SLCO2A1: variants seen among roughly 807,000 people sequenced by gnomAD.
SLCO2A1 encodes the protein solute carrier organic anion transporter family member 2A1, also known as matrin F/G 1.
A neutral mutation model predicts 71.7 loss-of-function variants in SLCO2A1; 60 were observed. The observed-to-expected ratio is 0.84, with a 90% CI of 0.68 to 1.04. The LOEUF is 1.04. SLCO2A1 is among the 50% of genes least tolerant of loss of function. SLCO2A1 has a pLI of 0.00. For missense variants in SLCO2A1, 745 were observed against 813.4 expected, an observed-to-expected ratio of 0.92 and a Z score of 1.02; for synonymous variants, 308 against 326.7, an observed-to-expected ratio of 0.94 and a Z score of 0.62.
At chr3:133,975,803 T>C (rs1190456873) in intron 2 of SLCO2A1, among the ~76,000 whole-genome samples, 1 of 152,186 alleles carries the variant, frequency 6.6e-6, no homozygotes, top group Non-Finnish European at 1.5e-5. Context: ...TCTGCTCAGA[T>C]TGAATCATCT....
intron 1 of SLCO2A1, among the ~76,000 whole-genome samples, chr3:134,001,965 C>A (rs4854786): frequency 0.87 from 132,620 of 152,142 alleles, 58,229 homozygotes; most frequent in East Asian, 0.99. Flanking sequence ...TCAGGACATC[C>A]AGGTCTTCTC....
chr3:134,027,680 C>T (rs1297061643), intron 1 of SLCO2A1, among the ~76,000 whole-genome samples: 2 of 152,214 alleles, frequency 1.3e-5, no homozygotes, highest in East Asian at 1.9e-4. Flanking sequence ...ATGTGCAACC[C>T]ATCCCCCACT....
At chr3:133,953,517 G>C (rs922427436) in intron 5 of SLCO2A1, 146 bp downstream of exon 5, 19 of 638,010 alleles carry the variant, frequency 3.0e-5, no homozygotes, top group African/African-American at 1.8e-5. Context: ...GGCTCTCCGA[G>C]GGACTGCAGG....
At chr3:133,987,518 C>T (rs1316544124) in intron 1 of SLCO2A1, among the ~76,000 whole-genome samples, 1 of 152,046 alleles carries the variant, frequency 6.6e-6, no homozygotes, top group Non-Finnish European at 1.5e-5. Context: ...CCCCCCACCC[C>T]ACTTCAAGTT....
chr3:133,973,959 A>G, intron 2 of SLCO2A1, 134 bp from the exon 3 acceptor site: 1 of 907,750 alleles, frequency 1.1e-6, no homozygotes, highest in Non-Finnish European at 1.6e-6. Context: ...GGGCCCAGAC[A>G]GAGTTACAGT....
intron 1 of SLCO2A1, among the ~76,000 whole-genome samples, chr3:134,004,397 T>G (rs184211737): frequency 6.6e-6 from 1 of 152,300 alleles, no homozygotes; most frequent in Non-Finnish European, 1.5e-5. Flanking sequence ...TGCAATGGCA[T>G]GATCTCAGCT....
Position 133,955,088 on chromosome 3 carries a change from C to G in SLCO2A1, c.503G>C (p.Ser168Thr). 6.2e-7 allele frequency: 1 copy of G among 1,614,192 alleles called. No homozygotes were observed. Among genetic ancestry groups the G allele is most frequent in the Non-Finnish European group, 8.5e-7 (1 of 1,180,020 alleles). Residue 168 changes from serine (S) to threonine (T), a missense_variant, in exon 4 of 14, where the codon AGC (serine) becomes ACC (threonine). By Grantham distance (58) the Ser-to-Thr change is moderately conservative. Transcript: ENST00000310926. ...TTQNPQKETS[S>T]MWGLMVVAQL... is the part of the protein sequence containing the mutation. ...GGCAACCACCATCAGGCCCCACATG[C>G]TGCTGGTCTCCTTCTGGGGGTTCTG...
rs975819374 is a variant in SLCO2A1, at chr3:133,999,506, C to T, written c.97-19888G>A. Among the ~76,000 whole-genome samples the T allele has an allele frequency of 2.0e-5, 3 of 152,352 alleles. No individual in the cohort carries two copies. In the East Asian group the frequency reaches 5.8e-4, roughly 29 times the overall value. On this transcript the variant is annotated intron_variant, in intron 1 of 13. Coordinates refer to ENST00000310926, the MANE Select transcript of SLCO2A1 (RefSeq NM_005630.3). Reference sequence around the variant, plus strand: ...AGCAGGGCTGCCTCCCCCAGCCCCCCAGGGGCATACTATTACTAAGATGAG... The same window carrying T: ...AGCAGGGCTGCCTCCCCCAGCCCCCTAGGGGCATACTATTACTAAGATGAG...
chr3:133,974,210 C>T (rs1369186770), intron 2 of SLCO2A1, among the ~76,000 whole-genome samples: 1 of 152,192 alleles, frequency 6.6e-6, no homozygotes, highest in African/African-American at 2.4e-5. Context: ...CCTAATTAAG[C>T]TTGAGAGTTT....
chr3:134,014,497 G>A (rs1305345397), intron 1 of SLCO2A1, among the ~76,000 whole-genome samples: 1 of 152,154 alleles, frequency 6.6e-6, no homozygotes, highest in African/African-American at 2.4e-5. Context: ...CACACCCAGG[G>A]AATTAAGGTC....
At chr3:133,985,051 CTCCACTCCCT>C in intron 1 of SLCO2A1, among the ~76,000 whole-genome samples, 1 of 152,302 alleles carries the variant, frequency 6.6e-6, no homozygotes, top group South Asian at 2.1e-4. Context: ...TTGAAGCTAC[CTCCACTCCCT>C]CCTCTTGCCC....
intron 1 of SLCO2A1, among the ~76,000 whole-genome samples, chr3:134,023,498 G>A (rs546714180): frequency 2.0e-5 from 3 of 152,296 alleles, no homozygotes; most frequent in African/African-American, 7.2e-5. Context: ...AATCTGGGGA[G>A]ATTTCAATAA....
intron 11 of SLCO2A1, among the ~76,000 whole-genome samples, chr3:133,941,681 C>A (rs1933424603): frequency 6.6e-6 from 1 of 152,086 alleles, no homozygotes; most frequent in Non-Finnish European, 1.5e-5. Flanking sequence ...TAACGGGACA[C>A]CCCGCTCCTC....
chr3:133,981,905 G>T (rs568731805), intron 1 of SLCO2A1, among the ~76,000 whole-genome samples: 1 of 151,258 alleles, frequency 6.6e-6, no homozygotes, highest in South Asian at 2.1e-4. Context: ...AACCTGGGAG[G>T]TGGAGGTTGC....
chr3:133,963,642 A>G (rs1328293156), intron 3 of SLCO2A1, among the ~76,000 whole-genome samples: 1 of 152,180 alleles, frequency 6.6e-6, no homozygotes, highest in Non-Finnish European at 1.5e-5. Flanking sequence ...GTGGGTGAGT[A>G]GGGTCAAATG....
chr3:134,028,534 GCTGAGTAAGTATGCAGGTGAGATCCA>G (rs1935742659), intron 1 of SLCO2A1, among the ~76,000 whole-genome samples: 1 of 152,188 alleles, frequency 6.6e-6, no homozygotes, highest in Admixed American at 6.5e-5. Context: ...GGAGATCCCA[GCTGAGTAAGTATGCAGGTGAGATCCA>G]CTCTGACCTC....
At chr3:134,000,403 C>A (rs947810141) in intron 1 of SLCO2A1, among the ~76,000 whole-genome samples, 3 of 151,914 alleles carry the variant, frequency 2.0e-5, no homozygotes, top group African/African-American at 4.8e-5. Context: ...GGAAAAGGGC[C>A]GATGGGAGGT....
At position 133,938,435 on chromosome 3, in the gene SLCO2A1, A is replaced by G. The variant is rs1352148743; in HGVS notation, c.1684T>C (p.Leu562=). ...AGGGGTCTTAGACACTTACCCAGCA[A>G]GCGCATCAACAAGAACTGCACCCCG... ...AIGVQFLLMR[L]LAWLPSPALY... The change falls in exon 12 of 14, where the codon TTG becomes CTG. Residue 562 remains leucine (L), a synonymous_variant. Coordinates refer to ENST00000310926, the MANE Select transcript of SLCO2A1 (RefSeq NM_005630.3). 1 of 1,613,962 alleles carries G rather than the reference A, an allele frequency of 6.2e-7. No homozygotes were observed. The highest frequency in any genetic ancestry group is 1.3e-5 in the African/African-American group (1 of 74,932).
At chr3:133,954,929 A>C (rs772861549) in intron 4 of SLCO2A1, 37 bp downstream of exon 4, 130 of 1,557,072 alleles carry the variant, frequency 8.3e-5, no homozygotes, top group Non-Finnish European at 1.1e-4. Context: ...TCAGGACCTC[A>C]CCCCTCCCCA....
Sources: allele counts gnomAD v4.1 joint callset (sites outside exome capture counted in the v4.1 genomes callset), GRCh38; gene constraint gnomAD v4.1.1; transcripts MANE v1.5; gene names NCBI Gene and HGNC (gene_info 2026-07-23, HGNC 2026-07-21).